The following PARD3B variants were observed in gnomAD, a reference collection of about 807,000 sequenced individuals.
PARD3B encodes the protein par-3 family cell polarity regulator beta, also known as partitioning defective 3 homolog B.
A neutral mutation model predicts 130.2 loss-of-function variants in PARD3B; 103 were observed. The observed-to-expected ratio is 0.79, with a 90% CI of 0.67 to 0.93. The LOEUF is 0.93. Among genes scored for constraint, PARD3B ranks in the 40% least tolerant of loss-of-function variants. The pLI is 0.00. For missense variants in PARD3B, 1,609 were observed against 1,499.2 expected, an observed-to-expected ratio of 1.07 and a Z score of -1.21; for synonymous variants, 583 against 553.2, an observed-to-expected ratio of 1.05 and a Z score of -0.76.
chr2:204,890,250 A>C lies in PARD3B; in HGVS notation c.223-74902A>C, dbSNP rs1002444330. Among the ~76,000 whole-genome samples the C allele has an allele frequency of 6.6e-6, 1 of 152,216 alleles. No individual in the cohort carries two copies. Among genetic ancestry groups the C allele is most frequent in the Non-Finnish European group, 1.5e-5 (1 of 68,040 alleles). On this transcript the variant is annotated intron_variant, in intron 2 of 22. Coordinates refer to ENST00000406610, the MANE Select transcript of PARD3B (RefSeq NM_001302769.2). This position sits in a 1 kb window ranked among gnomAD's most constrained non-coding sequence, Gnocchi z 4.9. ...TACAGGAAGGTATGCTTTGGTTCAGAACTGCATACATAGTAGGCATTTTAT... is the reference window on the plus strand; with the variant it reads ...TACAGGAAGGTATGCTTTGGTTCAGCACTGCATACATAGTAGGCATTTTAT...
intron 2 of PARD3B, among the ~76,000 whole-genome samples, chr2:204,764,715 C>CATGT (rs60298501): frequency 7.5e-5 from 11 of 145,752 alleles, no homozygotes; most frequent in Admixed American, 2.1e-4. Context: ...GGCATGCATG[C>CATGT]GTGTGTGTGT....
At chr2:205,605,403 GT>G (rs1315102326) in intron 22 of PARD3B, among the ~76,000 whole-genome samples, 1 of 152,160 alleles carries the variant, frequency 6.6e-6, no homozygotes, top group Non-Finnish European at 1.5e-5. Context: ...TTTTTATGGG[GT>G]TTTTTGTTGG....
intron 2 of PARD3B, among the ~76,000 whole-genome samples, chr2:204,894,586 C>A (rs955923448): frequency 4.6e-5 from 7 of 151,722 alleles, no homozygotes; most frequent in Admixed American, 3.3e-4. Flanking sequence ...TAGTAAATTG[C>A]AAATTTCTAG....
chr2:205,180,780 C>G (rs2035744881), intron 13 of PARD3B, among the ~76,000 whole-genome samples: 1 of 151,908 alleles, frequency 6.6e-6, no homozygotes, highest in African/African-American at 2.4e-5. Flanking sequence ...ATCGTAATAC[C>G]AGAAAATTCA....
chr2:205,023,161 C>T (rs1374067397), intron 3 of PARD3B, among the ~76,000 whole-genome samples: 4 of 152,258 alleles, frequency 2.6e-5, no homozygotes, highest in South Asian at 2.1e-4. Flanking sequence ...TCGGTTGCAT[C>T]GGAGTTAGCT....
intron 1 of PARD3B, among the ~76,000 whole-genome samples, chr2:204,622,318 C>T (rs1414417371): frequency 6.6e-6 from 1 of 152,184 alleles, no homozygotes; most frequent in East Asian, 1.9e-4. Flanking sequence ...CAACATCATT[C>T]TGTTGTGCAA....
At chr2:204,637,325 G>A (rs541274387) in intron 1 of PARD3B, among the ~76,000 whole-genome samples, 1 of 152,162 alleles carries the variant, frequency 6.6e-6, no homozygotes, top group African/African-American at 2.4e-5. Context: ...AAGATACATT[G>A]GTCAGGCTTT....
intron 19 of PARD3B, among the ~76,000 whole-genome samples, chr2:205,425,332 C>G (rs1451965437): frequency 1.3e-5 from 2 of 152,036 alleles, no homozygotes. Flanking sequence ...AGTGCATTAG[C>G]AATGGGAAAG....
intron 18 of PARD3B, among the ~76,000 whole-genome samples, chr2:205,349,494 T>G (rs1469830915): frequency 6.6e-6 from 1 of 152,134 alleles, no homozygotes; most frequent in Non-Finnish European, 1.5e-5. Context: ...AAATAAACTG[T>G]GGAAAGAAAT....
In PARD3B at chr2:205,374,719, A is replaced by C. The variant is rs113917633; in HGVS notation, c.2631-26294A>C. On this transcript the variant is annotated intron_variant, in intron 18 of 22. Transcript: ENST00000406610. Reference sequence around the variant, plus strand: ...AATACTCCATCAGGTGGAGACAACAAAATTTAATTAGTAGTCTTTAGTATG... The same window carrying C: ...AATACTCCATCAGGTGGAGACAACACAATTTAATTAGTAGTCTTTAGTATG... Among the ~76,000 whole-genome samples, 284 of 152,332 alleles carry C rather than the reference A, an allele frequency of 1.9e-3. 1 individual carries two copies. The highest frequency in any genetic ancestry group is 6.5e-3 in the African/African-American group (271 of 41,576).
At chr2:205,462,918 A>G (rs1221143962) in intron 20 of PARD3B, among the ~76,000 whole-genome samples, 2 of 152,166 alleles carry the variant, frequency 1.3e-5, no homozygotes, top group Admixed American at 6.6e-5. Flanking sequence ...CCTTCCACGT[A>G]TTGTAATGAA....
chr2:205,083,796 A>C (rs1167166694), intron 4 of PARD3B, among the ~76,000 whole-genome samples: 1 of 152,054 alleles, frequency 6.6e-6, no homozygotes, highest in South Asian at 2.1e-4. Flanking sequence ...TTTATGATTG[A>C]ATATTTTAAA....
At chr2:204,591,288 G>T (rs2033063221) in intron 1 of PARD3B, among the ~76,000 whole-genome samples, 1 of 152,150 alleles carries the variant, frequency 6.6e-6, no homozygotes, top group Non-Finnish European at 1.5e-5. Flanking sequence ...CTTTTATTGT[G>T]GGGCTGACAG....
intron 3 of PARD3B, among the ~76,000 whole-genome samples, chr2:204,977,141 A>G (rs1020420367): frequency 6.6e-6 from 1 of 152,224 alleles, no homozygotes; most frequent in Non-Finnish European, 1.5e-5. Flanking sequence ...TCAGAATAGT[A>G]TAATTACCAC....
At chr2:205,239,534 A>G (rs1326096919) in intron 15 of PARD3B, among the ~76,000 whole-genome samples, 1 of 152,256 alleles carries the variant, frequency 6.6e-6, no homozygotes, top group Non-Finnish European at 1.5e-5. Flanking sequence ...TGAAGGAATT[A>G]CTTGGATTTT....
At chr2:204,744,818 G>T (rs2040149002) in intron 2 of PARD3B, among the ~76,000 whole-genome samples, 1 of 152,134 alleles carries the variant, frequency 6.6e-6, no homozygotes, top group South Asian at 2.1e-4. Flanking sequence ...AAGAATTTCT[G>T]ACGGTGAGAC....
rs1450762074 is a variant in PARD3B at position 205,296,943 on chromosome 2, A to C, written c.2186-3587A>C. Among the ~76,000 whole-genome samples, 7 of 152,000 alleles carry C rather than the reference A, an allele frequency of 4.6e-5. No individual in the cohort carries two copies. The East Asian group carries it at 1.4e-3, about 29-fold the overall frequency. ...ATTTTAAGAGAAAATTTGGCACCTG[A>C]CATTAAGAATGTTTTTATTATACCA... On this transcript the variant is annotated intron_variant, in intron 16 of 22. Coordinates refer to ENST00000406610, the MANE Select transcript of PARD3B (RefSeq NM_001302769.2).
intron 18 of PARD3B, among the ~76,000 whole-genome samples, chr2:205,389,399 G>C (rs1332443014): frequency 1.3e-5 from 2 of 152,040 alleles, no homozygotes; most frequent in African/African-American, 4.8e-5. Flanking sequence ...TTTCGTTCTT[G>C]TCACCCAGGC....
At chr2:204,951,289 G>A (rs1276119277) in intron 2 of PARD3B, among the ~76,000 whole-genome samples, 1 of 152,152 alleles carries the variant, frequency 6.6e-6, no homozygotes, top group Non-Finnish European at 1.5e-5. Context: ...TGAATTTGAT[G>A]ATATTACGCC....
Sources: gnomAD v4.1 joint callset for allele counts (sites outside exome capture counted in the v4.1 genomes callset) on GRCh38, gnomAD v4.1.1 for gene constraint, Gnocchi (gnomAD v3.1) non-coding constraint, MANE v1.5 for transcripts, NCBI Gene and HGNC (gene_info 2026-07-23, HGNC 2026-07-21) for gene names.